The following NUP155 variants were observed in gnomAD, a reference collection of about 807,000 sequenced individuals.
NUP155 encodes the protein nucleoporin 155.
A neutral mutation model predicts 180.4 loss-of-function variants in NUP155; 71 were observed. The observed-to-expected ratio is 0.39, with a 90% CI of 0.33 to 0.48. The LOEUF is 0.48. Ranked by LOEUF, NUP155 falls within the 20% of genes least tolerant of loss-of-function variation. The pLI, the probability that NUP155 is intolerant of heterozygous loss-of-function variation, is 0.91. For missense variants in NUP155, 1,553 were observed against 1,648.9 expected (o/e 0.94, Z 1.01); for synonymous variants, 582 against 559.5 (o/e 1.04, Z -0.57).
At position 37,318,492 on chromosome 5, in the gene NUP155, A is replaced by C. The variant is rs572240705; in HGVS notation, c.2208-407T>G. On this transcript the variant is annotated intron_variant, in intron 20 of 34. Transcript: ENST00000231498. ...ATTGAGTATCCCTAATAAAAAAAAA[A>C]ACTAACATCTGAAATGTCCCCAAAT... Among the ~76,000 whole-genome samples, 3 of 152,186 alleles carry C rather than the reference A, an allele frequency of 2.0e-5. No homozygotes were observed. The East Asian group carries it at 5.8e-4, about 29-fold the overall frequency.
intron 30 of NUP155, among the ~76,000 whole-genome samples, chr5:37,299,827 G>T (rs540221068): frequency 6.6e-6 from 1 of 151,834 alleles, no homozygotes; most frequent in South Asian, 2.1e-4. Context: ...GAGATCGGGA[G>T]ATGGAGACCA....
chr5:37,293,809 C>T (rs1214633546), intron 33 of NUP155, among the ~76,000 whole-genome samples: 1 of 83,160 alleles, frequency 1.2e-5, no homozygotes, highest in Non-Finnish European at 2.0e-5. Flanking sequence ...ACCATCCTGG[C>T]TAACAAGGTG....
At chr5:37,300,287 C>A (rs1742795495) in intron 30 of NUP155, among the ~76,000 whole-genome samples, 2 of 152,178 alleles carry the variant, frequency 1.3e-5, no homozygotes, top group Admixed American at 1.3e-4. Context: ...TTTTGAGTTA[C>A]AAATAATCCA....
intron 9 of NUP155, 27 bp from the exon 10 acceptor site, chr5:37,342,673 A>T (rs367834856): frequency 7.5e-7 from 1 of 1,326,324 alleles, no homozygotes; most frequent in East Asian, 2.3e-5. Context: ...AATAAAGTGT[A>T]TTTTTAAAAT....
chr5:37,343,452 A>C (rs1236259363), intron 9 of NUP155, among the ~76,000 whole-genome samples: 1 of 151,302 alleles, frequency 6.6e-6, no homozygotes, highest in Non-Finnish European at 1.5e-5. Flanking sequence ...AACTGGAAAA[A>C]CTCTGGAATG....
chr5:37,339,027 A>G (rs955661505), intron 11 of NUP155, among the ~76,000 whole-genome samples: 2 of 152,184 alleles, frequency 1.3e-5, no homozygotes, highest in African/African-American at 4.8e-5. Context: ...ACCATGAATA[A>G]AAATGATGAA....
intron 4 of NUP155, among the ~76,000 whole-genome samples, chr5:37,356,005 G>A (rs534154640): frequency 8.6e-5 from 13 of 151,866 alleles, no homozygotes; most frequent in African/African-American, 2.4e-4. Context: ...CGAGGTGGGC[G>A]GATCACCTGA....
chr5:37,357,060 T>C (rs1247150334), intron 4 of NUP155, among the ~76,000 whole-genome samples: 1 of 152,044 alleles, frequency 6.6e-6, no homozygotes, highest in Non-Finnish European at 1.5e-5. Flanking sequence ...TGAGCGGAGA[T>C]CACGCCACTG....
rs1377876274 is a variant in NUP155, at chr5:37,333,549, T to C, written c.1432A>G (p.Lys478Glu). 6.2e-7 allele frequency: 1 copy of C among 1,613,804 alleles called. No homozygotes were observed. Among genetic ancestry groups the C allele is most frequent in the Non-Finnish European group, 8.5e-7 (1 of 1,179,722 alleles). Residue 478 changes from lysine (K) to glutamate (E), a missense_variant, in exon 13 of 35, where the codon AAG becomes GAG. Coordinates refer to ENST00000231498, the MANE Select transcript of NUP155 (RefSeq NM_153485.3). Reference protein sequence around the residue: ...KVDKIITPLNKDHIPITDSPV... With the variant: ...KVDKIITPLNEDHIPITDSPV... ...GAATCAGTTATTGGAATATGATCCT[T>C]GTTTAAAGGTGTAATTATTTTATCT...
intron 13 of NUP155, among the ~76,000 whole-genome samples, chr5:37,332,426 A>T (rs941629264): frequency 1.4e-5 from 2 of 143,874 alleles, no homozygotes; most frequent in African/African-American, 2.6e-5. Context: ...GGTTCATGCC[A>T]TTCTCCTGTC....
chr5:37,327,304 T>G (rs1008351780), intron 18 of NUP155: 5 of 343,648 alleles, frequency 1.5e-5, no homozygotes, highest in African/African-American at 8.5e-5. Context: ...TATTAGTAAT[T>G]AAGAAAGTCA....
At chr5:37,342,733 T>C in intron 9 of NUP155, 87 bp from the exon 10 acceptor site, 1 of 948,204 alleles carries the variant, frequency 1.1e-6, no homozygotes, top group South Asian at 1.4e-5. Flanking sequence ...TTTACATATT[T>C]CCATATTTTC....
chr5:37,329,147 T>C, intron 16 of NUP155, 43 bp downstream of exon 16: 1 of 1,455,336 alleles, frequency 6.9e-7, no homozygotes. Context: ...GTTCTAAGAT[T>C]CAAACGATTA....
At chr5:37,353,660 A>C (rs927383047) in intron 4 of NUP155, among the ~76,000 whole-genome samples, 6 of 152,224 alleles carry the variant, frequency 3.9e-5, no homozygotes, top group Non-Finnish European at 8.8e-5. Flanking sequence ...TTGAGGACAT[A>C]GGTTAAATAA....
In NUP155 at chr5:37,288,747, T is replaced by TTA; in HGVS notation, c.*3152_*3153insTA. 2 of 61,644 alleles carry TTA rather than the reference T, an allele frequency of 3.2e-5. No homozygotes were observed. The highest frequency in any genetic ancestry group is 1.3e-4 in the African/African-American group (2 of 15,416). The allele number at this position is 61,644 out of a possible 1,614,324, so 3.8% of individuals were successfully genotyped here. A position where few individuals can be genotyped will look rare whatever the true frequency, so the allele number is the denominator to read the frequency against. The stretch of plus-strand genomic sequence containing the variant: ...GAGATCTTTTGGCTACACAAAAAAT[T>TTA]AAAAAAAAAAAAAAAAAAAAAGTAG... On this transcript the variant is annotated 3_prime_UTR_variant, in exon 35 of 35. Coordinates refer to ENST00000231498, the MANE Select transcript of NUP155 (RefSeq NM_153485.3).
intron 21 of NUP155, among the ~76,000 whole-genome samples, chr5:37,317,764 T>G (rs1400482972): frequency 6.7e-6 from 1 of 148,446 alleles, no homozygotes; most frequent in East Asian, 2.1e-4. Flanking sequence ...CTCAGCTCAC[T>G]GCAACCTCTG....
At position 37,302,877 on chromosome 5, in the gene NUP155, A is replaced by C; in HGVS notation, c.3349T>G (p.Tyr1117Asp). ...TEISLQQRLE[Y>D]IARAILSAKS... ...GCACTAAGAATGGCTCGAGCAATGT[A>C]CTCTAGTCGCTGCTGAAGTGAAATT... Residue 1117 changes from tyrosine (Y) to aspartate (D), a missense_variant, in exon 29 of 35, where the codon TAC becomes GAC. By Grantham distance (160) the Tyr-to-Asp change is radical. Coordinates refer to ENST00000231498, the MANE Select transcript of NUP155 (RefSeq NM_153485.3). 1 of 1,614,040 alleles carries C rather than the reference A, an allele frequency of 6.2e-7. No homozygotes were observed. Among genetic ancestry groups the C allele is most frequent in the Non-Finnish European group, 8.5e-7 (1 of 1,179,966 alleles).
intron 1 of NUP155, among the ~76,000 whole-genome samples, chr5:37,365,996 C>A (rs1747562994): frequency 6.6e-6 from 1 of 151,170 alleles, no homozygotes; most frequent in South Asian, 2.1e-4. Flanking sequence ...TTAAAACAAC[C>A]CATGACTTTT....
intron 9 of NUP155, among the ~76,000 whole-genome samples, chr5:37,344,550 C>T (rs1171811562): frequency 6.8e-6 from 1 of 147,598 alleles, no homozygotes; most frequent in African/African-American, 2.5e-5. Context: ...GACTAACAAC[C>T]AATCCAATTC....
Sources: allele counts gnomAD v4.1 joint callset (sites outside exome capture counted in the v4.1 genomes callset), GRCh38; gene constraint gnomAD v4.1.1; transcripts MANE v1.5; gene names NCBI Gene and HGNC (gene_info 2026-07-23, HGNC 2026-07-21).